LRP1B: variants seen among roughly 807,000 people sequenced by gnomAD.
The protein encoded by LRP1B is low-density lipoprotein receptor-related protein 1B.
Under a neutral mutation model 556.6 loss-of-function variants are expected in LRP1B, and 217 were observed. That is an observed-to-expected ratio of 0.39 (90% CI 0.35 to 0.44). LRP1B has a LOEUF of 0.44. Among genes scored for constraint, LRP1B ranks in the 20% least tolerant of loss-of-function variants. LRP1B has a pLI of 1.00. For synonymous variants in LRP1B, 2,047 were observed against 1,865.8 expected (o/e 1.10, Z -2.50); for missense variants, 5,053 against 5,620.8 (o/e 0.90, Z 3.23).
intron 41 of LRP1B, among the ~76,000 whole-genome samples, chr2:140,623,678 G>C (rs1388375911): frequency 6.6e-6 from 1 of 151,840 alleles, no homozygotes; most frequent in African/African-American, 2.4e-5. Context: ...CAGCACTTTG[G>C]GAGACCAAGG....
At chr2:141,810,149 GAAAGA>G (rs1413673376) in intron 2 of LRP1B, 125 bp downstream of exon 2, 5 of 453,980 alleles carry the variant, frequency 1.1e-5, no homozygotes, top group Non-Finnish European at 1.6e-5. Context: ...AAGAAAGAAA[GAAAGA>G]AAGAAAGAAA....
At chr2:141,975,886 G>T (rs1701872818) in intron 1 of LRP1B, among the ~76,000 whole-genome samples, 1 of 152,230 alleles carries the variant, frequency 6.6e-6, no homozygotes, top group Non-Finnish European at 1.5e-5. Context: ...CCTTCTCAGT[G>T]AGTCAGGATA....
chr2:142,027,506 T>C (rs1225189750), intron 1 of LRP1B, among the ~76,000 whole-genome samples: 1 of 151,912 alleles, frequency 6.6e-6, no homozygotes, highest in African/African-American at 2.4e-5. Context: ...AAAACGTGAA[T>C]GACATATATT....
intron 2 of LRP1B, among the ~76,000 whole-genome samples, chr2:141,783,703 A>T (rs943467134): frequency 1.3e-5 from 2 of 151,958 alleles, no homozygotes; most frequent in East Asian, 1.9e-4. Flanking sequence ...TTCATTTTTC[A>T]TATTGAAATA....
intron 7 of LRP1B, among the ~76,000 whole-genome samples, chr2:141,134,425 A>G (rs943681693): frequency 6.6e-6 from 1 of 151,846 alleles, no homozygotes. Flanking sequence ...CGTGTTGTTA[A>G]CCAGCCGCTT....
intron 77 of LRP1B, among the ~76,000 whole-genome samples, chr2:140,338,301 G>A (rs1681201403): frequency 6.6e-6 from 1 of 151,684 alleles, no homozygotes; most frequent in Non-Finnish European, 1.5e-5. Flanking sequence ...GGCAGAGGGT[G>A]GAGATGTTAC....
chr2:141,314,348 C>G (rs1290878828), intron 3 of LRP1B, among the ~76,000 whole-genome samples: 1 of 152,142 alleles, frequency 6.6e-6, no homozygotes, highest in Non-Finnish European at 1.5e-5. Flanking sequence ...ATAGTCACCA[C>G]TCTTCCATAT....
At chr2:142,031,948 A>G (rs1703726770) in intron 1 of LRP1B, among the ~76,000 whole-genome samples, 2 of 151,870 alleles carry the variant, frequency 1.3e-5, no homozygotes. Context: ...CACAGACTGG[A>G]GTCATGCTAC....
At chr2:140,850,724 T>C (rs1211391550) in intron 28 of LRP1B, among the ~76,000 whole-genome samples, 1 of 152,218 alleles carries the variant, frequency 6.6e-6, no homozygotes, top group Non-Finnish European at 1.5e-5. Flanking sequence ...TTTTCTATAC[T>C]GTCTTTGAAT....
At chr2:140,758,521 A>G (rs868489134) in intron 35 of LRP1B, among the ~76,000 whole-genome samples, 1 of 152,186 alleles carries the variant, frequency 6.6e-6, no homozygotes, top group African/African-American at 2.4e-5. Flanking sequence ...TTTGCCATCA[A>G]TAAGTGATTG....
intron 2 of LRP1B, among the ~76,000 whole-genome samples, chr2:141,624,467 T>C (rs1274129767): frequency 3.3e-5 from 5 of 152,182 alleles, no homozygotes; most frequent in African/African-American, 7.2e-5. Flanking sequence ...GAATAGCTAA[T>C]ATATACTTTT....
At chr2:140,278,372 G>T (rs1573724823) in intron 84 of LRP1B, among the ~76,000 whole-genome samples, 1 of 151,996 alleles carries the variant, frequency 6.6e-6, no homozygotes, top group East Asian at 1.9e-4. Context: ...CTTCAACAGA[G>T]AATGCTTTTT....
chr2:141,985,275 T>C (rs1398431424), intron 1 of LRP1B, among the ~76,000 whole-genome samples: 1 of 152,142 alleles, frequency 6.6e-6, no homozygotes, highest in Non-Finnish European at 1.5e-5. Context: ...GGTCAGTAGT[T>C]TGAATTTAGG....
At chr2:141,631,969 G>C (rs1437509752) in intron 2 of LRP1B, among the ~76,000 whole-genome samples, 1 of 151,898 alleles carries the variant, frequency 6.6e-6, no homozygotes, top group Non-Finnish European at 1.5e-5. Flanking sequence ...TGGAAAGCAG[G>C]GGCACAATCA....
At chr2:141,185,284 G>T (rs1485234769) in intron 7 of LRP1B, among the ~76,000 whole-genome samples, 4 of 152,026 alleles carry the variant, frequency 2.6e-5, no homozygotes, top group Admixed American at 2.6e-4. Context: ...ATCTCAGTAA[G>T]ACTGACTCCA....
At chr2:141,137,509 AATG>A (rs1701519975) in intron 7 of LRP1B, among the ~76,000 whole-genome samples, 1 of 151,950 alleles carries the variant, frequency 6.6e-6, no homozygotes, top group Admixed American at 6.6e-5. Context: ...AAGGCTACAA[AATG>A]ATGTTTTGAA....
At chr2:141,922,458 C>A (rs1259539525) in intron 1 of LRP1B, among the ~76,000 whole-genome samples, 1 of 152,146 alleles carries the variant, frequency 6.6e-6, no homozygotes, top group Non-Finnish European at 1.5e-5. Context: ...ACTTAATCTG[C>A]GTTTTATCAC....
At chr2:141,209,314 G>C (rs762891253) in intron 6 of LRP1B, among the ~76,000 whole-genome samples, 1 of 152,082 alleles carries the variant, frequency 6.6e-6, no homozygotes, top group Admixed American at 6.5e-5. Context: ...GTTTCATAAA[G>C]GGCTTTCTCC....
intron 3 of LRP1B, among the ~76,000 whole-genome samples, chr2:141,396,217 A>G: frequency 6.6e-6 from 1 of 152,218 alleles, no homozygotes; most frequent in East Asian, 1.9e-4. Context: ...CCAATGAAAA[A>G]CAAAACACAT....
Sources: allele counts gnomAD v4.1 joint callset (sites outside exome capture counted in the v4.1 genomes callset), GRCh38; gene constraint gnomAD v4.1.1; transcripts MANE v1.5; gene names NCBI Gene and HGNC (gene_info 2026-07-23, HGNC 2026-07-21).